SLC36A1: variants seen among roughly 807,000 people sequenced by gnomAD.
SLC36A1 encodes solute carrier family 36 member 1, also known as proton-coupled amino acid transporter 1.
In SLC36A1, 30 loss-of-function variants were observed where a neutral mutation model predicts 47.5. That is an observed-to-expected ratio of 0.63 (90% confidence interval 0.47 to 0.86). The LOEUF (loss-of-function observed/expected upper bound fraction) is 0.86. Among genes scored for constraint, SLC36A1 ranks in the 40% least tolerant of loss-of-function variants. The pLI, the probability that SLC36A1 is intolerant of heterozygous loss-of-function variation, is 0.00. For missense variants in SLC36A1, 517 were observed against 606.0 expected, an observed-to-expected ratio of 0.85 and a Z score of 1.54; for synonymous variants, 255 against 249.7, an observed-to-expected ratio of 1.02 and a Z score of -0.20.
At chr5:151,531,787 A>G in the SLC36A1 span, 1 of 1,612,722 alleles carries the variant, frequency 6.2e-7, no homozygotes, top group East Asian at 2.2e-5. The surrounding 1 kb of genome is among the most constrained non-coding windows in gnomAD (Gnocchi z 5.7). Context: ...CGAGACTGTG[A>G]CGGTGCCCAG....
In SLC36A1 at chr5:151,479,465, C is replaced by T. The variant is rs376550410; in HGVS notation, c.1135C>T (p.Arg379Cys). ...TGAGTTAGTGGTGGACCTGTTTGTG[C>T]GCACAGTGCTGGTCTGCCTGACATG... is the stretch of plus-strand genomic sequence containing the variant. ...HCELVVDLFVRTVLVCLTCIL... is the reference protein window; with the variant it reads ...HCELVVDLFVCTVLVCLTCIL... Residue 379 changes from arginine to cysteine, a missense_variant, in exon 10 of 11, where the codon CGC becomes TGC. Arg to Cys is a radical substitution (Grantham distance 180). Coordinates refer to ENST00000243389, the MANE Select transcript of SLC36A1 (RefSeq NM_078483.4). 3.4e-5 allele frequency: 55 copies of T among 1,614,164 alleles called. No individual in the cohort carries two copies. In the East Asian group the frequency reaches 6.0e-4, roughly 18 times the overall value.
the SLC36A1 span, among the ~76,000 whole-genome samples, chr5:151,396,134 A>C: frequency 6.7e-6 from 1 of 149,706 alleles, no homozygotes. Context: ...TCTTCTTCTT[A>C]CTATTATTAT....
At chr5:151,505,689 T>G in the SLC36A1 span, 2 of 1,614,012 alleles carry the variant, frequency 1.2e-6, no homozygotes, top group South Asian at 2.2e-5. Context: ...ACAGACAGCA[T>G]AAGAGGGCCC....
At chr5:151,355,695 A>G in the SLC36A1 span, among the ~76,000 whole-genome samples, 2 of 152,342 alleles carry the variant, frequency 1.3e-5, no homozygotes, top group Admixed American at 1.3e-4. Context: ...GAGATTTAGG[A>G]TATATTACTG....
intron 1 of SLC36A1, among the ~76,000 whole-genome samples, chr5:151,457,371 C>T (rs1754713829): frequency 6.6e-6 from 1 of 151,984 alleles, no homozygotes; most frequent in Non-Finnish European, 1.5e-5. Flanking sequence ...TACATCGCTC[C>T]CAAAATGTGT....
the SLC36A1 span, among the ~76,000 whole-genome samples, chr5:151,385,712 AC>A: frequency 3.3e-4 from 51 of 152,260 alleles, no homozygotes; most frequent in East Asian, 4.3e-3. Context: ...AATAAAAAAA[AC>A]AATAAAACAA....
the SLC36A1 span, chr5:151,507,723 G>T: frequency 1.0e-6 from 1 of 966,622 alleles, no homozygotes; most frequent in Non-Finnish European, 1.5e-6. Flanking sequence ...ACCATCTCCC[G>T]TTTTTCACCC....
At chr5:151,509,867 G>T in the SLC36A1 span, 12 of 819,410 alleles carry the variant, frequency 1.5e-5, no homozygotes, top group Admixed American at 2.4e-5. Context: ...GTGCCAAAAA[G>T]GTTGGGGACC....
intron 1 of SLC36A1, among the ~76,000 whole-genome samples, chr5:151,451,849 G>A (rs960749878): frequency 2.0e-5 from 3 of 152,066 alleles, no homozygotes; most frequent in Non-Finnish European, 2.9e-5. Context: ...AGCTTTGTTC[G>A]CAGGGAGATT....
chr5:151,409,725 T>G, the SLC36A1 span, among the ~76,000 whole-genome samples: 1 of 152,200 alleles, frequency 6.6e-6, no homozygotes, highest in Non-Finnish European at 1.5e-5. Flanking sequence ...AGTAGTTCAA[T>G]TGCGCTGGTC....
chr5:151,375,919 G>T, the SLC36A1 span, among the ~76,000 whole-genome samples: 1 of 152,076 alleles, frequency 6.6e-6, no homozygotes, highest in Non-Finnish European at 1.5e-5. Context: ...GGTTTTTCTA[G>T]ACATAGATCA....
downstream of SLC36A1, among the ~76,000 whole-genome samples, chr5:151,496,059 T>C (rs910557786): frequency 6.6e-6 from 1 of 152,238 alleles, no homozygotes; most frequent in East Asian, 1.9e-4. Flanking sequence ...TATGGTGATA[T>C]GGTTTGACTC....
the SLC36A1 span, among the ~76,000 whole-genome samples, chr5:151,389,073 A>T: frequency 6.6e-6 from 1 of 152,204 alleles, no homozygotes; most frequent in Non-Finnish European, 1.5e-5. Flanking sequence ...CGCCTACAGG[A>T]AAGAGTTACA....
chr5:151,550,181 C>A, the SLC36A1 span, among the ~76,000 whole-genome samples: 103 of 152,210 alleles, frequency 6.8e-4, 3 homozygotes, highest in South Asian at 0.021. Flanking sequence ...AGGCACATGG[C>A]CCAGAGAGTG....
chr5:151,534,970 A>ATATATATATATATATATATAT, the SLC36A1 span, among the ~76,000 whole-genome samples: 30 of 106,402 alleles, frequency 2.8e-4, no homozygotes, highest in Non-Finnish European at 4.3e-4. Flanking sequence ...CTTCTAGGAA[A>ATATATATATATATATATATAT]ATATATATAT....
chr5:151,374,320 C>T, the SLC36A1 span, among the ~76,000 whole-genome samples: 2 of 152,240 alleles, frequency 1.3e-5, no homozygotes, highest in Admixed American at 1.3e-4. Flanking sequence ...AGGCCGCCTG[C>T]ACCCAGGAGC....
chr5:151,450,538 G>A (rs1370987790), intron 1 of SLC36A1, among the ~76,000 whole-genome samples: 1 of 152,086 alleles, frequency 6.6e-6, no homozygotes, highest in African/African-American at 2.4e-5. Context: ...GGATGGAGCC[G>A]ATGTCCACTT....
the SLC36A1 span, chr5:151,504,789 A>G: frequency 2.0e-5 from 3 of 152,634 alleles, no homozygotes; most frequent in Non-Finnish European, 4.4e-5. Context: ...ATTCTTTAAC[A>G]AAGAAGGTTC....
chr5:151,366,555 C>A, the SLC36A1 span: 1 of 244,308 alleles, frequency 4.1e-6, no homozygotes, highest in South Asian at 5.2e-5. Context: ...AGTAGGTAGT[C>A]ATCTCCAGGA....
Sources: allele counts gnomAD v4.1 joint callset (sites outside exome capture counted in the v4.1 genomes callset), GRCh38; gene constraint gnomAD v4.1.1; non-coding constraint Gnocchi (gnomAD v3.1); transcripts MANE v1.5; gene names NCBI Gene and HGNC (gene_info 2026-07-23, HGNC 2026-07-21).